Variants in NAXD observed in about 807,000 individuals in gnomAD.
The protein encoded by NAXD is NAD(P)HX dehydratase, also known as ATP-dependent (S)-NAD(P)H-hydrate dehydratase.
Under a neutral mutation model 35.8 loss-of-function variants are expected in NAXD, and 22 were observed. The ratio of observed to expected loss-of-function variants is 0.62; its 90% CI spans 0.44 to 0.88. NAXD has a LOEUF of 0.88. NAXD is among the 40% of genes least tolerant of loss of function. NAXD has a pLI of 0.00. For synonymous variants in NAXD, 189 were observed against 177.6 expected (o/e 1.06, Z -0.51); for missense variants, 428 against 437.7 (o/e 0.98, Z 0.20).
At chr13:110,629,195 T>A (rs1432819488) in intron 5 of NAXD, among the ~76,000 whole-genome samples, 1 of 152,230 alleles carries the variant, frequency 6.6e-6, no homozygotes, top group African/African-American at 2.4e-5. Flanking sequence ...ATTAGGTAGA[T>A]TCCTATTCAT....
chr13:110,633,404 C>T (rs1037329162), intron 5 of NAXD, among the ~76,000 whole-genome samples: 9 of 152,198 alleles, frequency 5.9e-5, no homozygotes, highest in Non-Finnish European at 8.8e-5. Context: ...TTCCCGCTCG[C>T]GCCTCTCCCT....
At chr13:110,632,562 C>T (rs530953230) in intron 5 of NAXD, among the ~76,000 whole-genome samples, 3 of 152,024 alleles carry the variant, frequency 2.0e-5, no homozygotes, top group Admixed American at 1.3e-4. Context: ...AGGTTCTCCA[C>T]GTCCCCATCA....
At chr13:110,626,076 G>C (rs1482865089) in intron 4 of NAXD, among the ~76,000 whole-genome samples, 1 of 152,150 alleles carries the variant, frequency 6.6e-6, no homozygotes, top group Non-Finnish European at 1.5e-5. Flanking sequence ...GGGTGACCAA[G>C]AGGTGCAGGG....
intron 5 of NAXD, among the ~76,000 whole-genome samples, chr13:110,630,578 C>A (rs1463428409): frequency 6.6e-6 from 1 of 152,134 alleles, no homozygotes; most frequent in Non-Finnish European, 1.5e-5. Flanking sequence ...GTCCCTTGTG[C>A]TGTTGGTGTC....
rs1205201729 is a variant in NAXD at position 110,639,023 on chromosome 13, C to T, written c.*495C>T. On this transcript the variant is annotated 3_prime_UTR_variant, in exon 10 of 10. Coordinates refer to ENST00000680254, the MANE Select transcript of NAXD (RefSeq NM_001242882.2). ...GACTGGGTCCATCAGAGGGCTGCTT[C>T]GTTCTCCAGCTCATCTTCTTTTAAA... 7.2e-6 allele frequency: 2 copies of T among 277,906 alleles called. No individual in the cohort carries two copies. Among genetic ancestry groups the T allele is most frequent in the South Asian group, 3.6e-5 (1 of 27,570 alleles). The allele number at this position is 277,906 out of a possible 1,614,324, so 17.2% of individuals were successfully genotyped here.
At chr13:110,618,621 C>A (rs11838544) in intron 1 of NAXD, among the ~76,000 whole-genome samples, 1 of 152,086 alleles carries the variant, frequency 6.6e-6, no homozygotes, top group African/African-American at 2.4e-5. Context: ...TAGAAAAATC[C>A]GCCTTAGAAA....
intron 5 of NAXD, among the ~76,000 whole-genome samples, chr13:110,634,102 C>T (rs1378384803): frequency 1.3e-5 from 2 of 152,142 alleles, no homozygotes; most frequent in African/African-American, 4.8e-5. Context: ...TTCATTGGGT[C>T]TTTCTGCTTC....
chr13:110,627,028 G>T (rs146560071), intron 4 of NAXD, among the ~76,000 whole-genome samples: 8 of 152,150 alleles, frequency 5.3e-5, no homozygotes, highest in Non-Finnish European at 1.0e-4. Flanking sequence ...CTAACTTGTC[G>T]TAACTGTTGA....
At chr13:110,629,855 G>T (rs1886641169) in intron 5 of NAXD, among the ~76,000 whole-genome samples, 1 of 152,146 alleles carries the variant, frequency 6.6e-6, no homozygotes, top group South Asian at 2.1e-4. Context: ...GTGTGCGAGG[G>T]CTCTGATTCT....
At chr13:110,635,315 G>A (rs1343901590) in intron 7 of NAXD, among the ~76,000 whole-genome samples, 153 bp from the exon 8 acceptor site, 1 of 152,186 alleles carries the variant, frequency 6.6e-6, no homozygotes, top group Non-Finnish European at 1.5e-5. Flanking sequence ...GTGATATCCT[G>A]GGCATCCTCC....
chr13:110,624,218 A>G lies in NAXD; in HGVS notation c.198-16A>G. ...TTATTCTCAGAAGTTTTTGACTCTA[A>G]ATACCTTCTTTTTAGGTACACTGGA... is the stretch of plus-strand genomic sequence containing the variant. On this transcript the variant is annotated splice_polypyrimidine_tract_variant and intron_variant, in intron 2 of 9. Transcript: ENST00000680254. The G allele has an allele frequency of 6.3e-7, 1 of 1,583,890 alleles. No homozygotes were observed. Among genetic ancestry groups the G allele is most frequent in the Non-Finnish European group, 8.7e-7 (1 of 1,154,890 alleles).
chr13:110,620,250 T>C (rs1886208048), intron 1 of NAXD, among the ~76,000 whole-genome samples: 1 of 151,622 alleles, frequency 6.6e-6, no homozygotes, highest in East Asian at 1.9e-4. Context: ...AGTGATTCTG[T>C]GCCGGGTCTT....
intron 5 of NAXD, among the ~76,000 whole-genome samples, chr13:110,631,575 T>A (rs115809789): frequency 6.6e-6 from 1 of 152,230 alleles, no homozygotes; most frequent in Non-Finnish European, 1.5e-5. Context: ...ATATTCACTT[T>A]TGAGTACTAT....
intron 5 of NAXD, among the ~76,000 whole-genome samples, chr13:110,630,961 A>C (rs1886675895): frequency 6.6e-6 from 1 of 152,026 alleles, no homozygotes; most frequent in South Asian, 2.1e-4. Context: ...CGCTCTTTTT[A>C]AGGTTGTTTT....
rs1886959538 is a variant in NAXD, at chr13:110,637,221, C to T, written c.811C>T (p.Leu271Phe). The T allele has an allele frequency of 1.2e-6, 2 of 1,614,000 alleles. No individual in the cohort carries two copies. The highest frequency in any genetic ancestry group is 1.3e-5 in the African/African-American group (1 of 74,946). The change falls in exon 9 of 10, where the codon CTC becomes TTC. Residue 271 changes from leucine to phenylalanine, a missense_variant. Transcript: ENST00000680254. ...CCTGGGCGTCCTGGTACACTGGGCG[C>T]TCCTTGCTGGACCACAGAAAACAAA... ...GSLGVLVHWALLAGPQKTNGS... is the reference protein window; with the variant it reads ...GSLGVLVHWAFLAGPQKTNGS...
chr13:110,635,660 C>T (rs983971009), intron 8 of NAXD, 72 bp downstream of exon 8: 2 of 1,564,888 alleles, frequency 1.3e-6, no homozygotes, highest in African/African-American at 1.3e-5. Flanking sequence ...AGCATGAGCC[C>T]TGGAAGACCT....
chr13:110,635,684 C>A, intron 8 of NAXD, 96 bp downstream of exon 8: 11 of 1,389,276 alleles, frequency 7.9e-6, no homozygotes, highest in Non-Finnish European at 1.0e-5. Flanking sequence ...CCGTGCACAC[C>A]CGTGTTCACA....
intron 5 of NAXD, among the ~76,000 whole-genome samples, chr13:110,633,759 T>C (rs1594182725): frequency 1.2e-5 from 1 of 85,928 alleles, no homozygotes; most frequent in Admixed American, 1.5e-4. Flanking sequence ...ATACATGTAG[T>C]TTTTTTTTTT....
chr13:110,616,833 G>A (rs1886076957), intron 1 of NAXD, among the ~76,000 whole-genome samples: 1 of 152,210 alleles, frequency 6.6e-6, no homozygotes, highest in South Asian at 2.1e-4. Flanking sequence ...CGCACCATTT[G>A]TTGCTGTAGT....
Sources: gnomAD v4.1 joint callset for allele counts (sites outside exome capture counted in the v4.1 genomes callset) on GRCh38, gnomAD v4.1.1 for gene constraint, MANE v1.5 for transcripts, NCBI Gene and HGNC (gene_info 2026-07-23, HGNC 2026-07-21) for gene names.